USP20: variants seen among roughly 807,000 people sequenced by gnomAD.
USP20 encodes ubiquitin carboxyl-terminal hydrolase 20.
In USP20, 80 loss-of-function variants were observed where a neutral mutation model predicts 124.2. The observed-to-expected ratio is 0.64, with a 90% CI of 0.54 to 0.78. The LOEUF is 0.78. Among genes scored for constraint, USP20 ranks in the 30% least tolerant of loss-of-function variants. The pLI, the probability that USP20 is intolerant of heterozygous loss-of-function variation, is 0.00. For synonymous variants in USP20, 481 were observed against 512.3 expected (o/e 0.94, Z 0.83); for missense variants, 1,043 against 1,244.4 (o/e 0.84, Z 2.44).
intron 13 of USP20, 34 bp downstream of exon 13, chr9:129,869,459 G>C (rs1415228062): frequency 1.2e-6 from 2 of 1,600,716 alleles, no homozygotes; most frequent in African/African-American, 2.7e-5. Flanking sequence ...AGCTGGGCCA[G>C]GCTGCCAGTG....
rs1236378243 is a variant in USP20 at position 129,880,494 on chromosome 9, G to A, written c.*44G>A. ...CCATGTGCCCCACCCCGCGGAAGGC[G>A]TGTTTGTGCCCAGAAGAGAGGCCGG... On this transcript the variant is annotated 3_prime_UTR_variant, in exon 26 of 26. Transcript: ENST00000372429. The A allele has an allele frequency of 1.5e-5, 9 of 618,296 alleles. No homozygotes were observed. The highest frequency in any genetic ancestry group is 3.7e-5 in the African/African-American group (2 of 54,340). 38.3% of individuals were successfully genotyped at this position (618,296 alleles called of 1,614,324 possible).
Position 129,858,613 on chromosome 9 carries a change from G to A in USP20, c.330+15G>A. 1 of 1,611,680 alleles carries A rather than the reference G, an allele frequency of 6.2e-7. No homozygotes were observed. The highest frequency in any genetic ancestry group is 1.1e-5 in the South Asian group (1 of 91,006). ...TCTCTGAACAGGTAACCTGTGTGGTGGGCTCTGTTTGGTTGTTGGTGACAC... is the reference window on the plus strand; with the variant it reads ...TCTCTGAACAGGTAACCTGTGTGGTAGGCTCTGTTTGGTTGTTGGTGACAC... On this transcript the variant is annotated intron_variant, in intron 6 of 25. Coordinates refer to ENST00000372429, the MANE Select transcript of USP20 (RefSeq NM_001110303.4).
chr9:129,840,473 C>T (rs1283385849), intron 1 of USP20, among the ~76,000 whole-genome samples: 2 of 152,190 alleles, frequency 1.3e-5, no homozygotes, highest in African/African-American at 4.8e-5. Flanking sequence ...CCGCTCCCTG[C>T]TCCCACCTCA....
intron 10 of USP20, among the ~76,000 whole-genome samples, chr9:129,866,574 G>A (rs2033829235): frequency 6.6e-6 from 1 of 152,276 alleles, no homozygotes; most frequent in Non-Finnish European, 1.5e-5. Context: ...GCGCCCTGCC[G>A]GCTTTCAGCT....
chr9:129,863,355 A>G, intron 9 of USP20, 56 bp downstream of exon 9: 1 of 1,385,386 alleles, frequency 7.2e-7, no homozygotes, highest in Non-Finnish European at 9.9e-7. Flanking sequence ...GTTTCCTGTC[A>G]GCACCCATGA....
intron 15 of USP20, among the ~76,000 whole-genome samples, chr9:129,873,080 C>CTTGTTTTT (rs1463874554): frequency 1.3e-5 from 1 of 78,366 alleles, no homozygotes; most frequent in Non-Finnish European, 2.3e-5. Context: ...TTTTCTTCTT[C>CTTGTTTTT]TTTTTTTTTT....
chr9:129,837,014 C>T (rs2031892640), intron 1 of USP20, among the ~76,000 whole-genome samples: 1 of 152,220 alleles, frequency 6.6e-6, no homozygotes, highest in African/African-American at 2.4e-5. Flanking sequence ...CCCTCCTCCT[C>T]AGCTGAAGTC....
intron 1 of USP20, among the ~76,000 whole-genome samples, chr9:129,841,583 T>C (rs1292792226): frequency 2.0e-5 from 3 of 152,222 alleles, no homozygotes; most frequent in Admixed American, 6.5e-5. Flanking sequence ...AGCTTTGTTA[T>C]GTCTCCTCAG....
chr9:129,852,415 G>A, intron 2 of USP20, 125 bp from the exon 3 acceptor site: 1 of 734,894 alleles, frequency 1.4e-6, no homozygotes, highest in South Asian at 1.8e-5. Context: ...CAACTTCCCT[G>A]CGTTACCAGC....
chr9:129,847,543 C>A (rs577757657), intron 1 of USP20, among the ~76,000 whole-genome samples: 5 of 151,992 alleles, frequency 3.3e-5, no homozygotes, highest in Admixed American at 3.3e-4. Flanking sequence ...TCTCATGATC[C>A]GCCCGCCTCA....
At chr9:129,877,273 C>G (rs1320791175) in intron 22 of USP20, among the ~76,000 whole-genome samples, 1 of 152,206 alleles carries the variant, frequency 6.6e-6, no homozygotes, top group African/African-American at 2.4e-5. Flanking sequence ...GATCCCAGCA[C>G]TTTGGGAGGC....
At chr9:129,858,159 G>A in intron 5 of USP20, 47 bp downstream of exon 5, 1 of 1,597,290 alleles carries the variant, frequency 6.3e-7, no homozygotes, top group Non-Finnish European at 8.6e-7. Context: ...AGATGGCCTG[G>A]GGTTCAAACC....
intron 2 of USP20, among the ~76,000 whole-genome samples, chr9:129,850,811 T>C (rs79730015): frequency 2.6e-5 from 4 of 152,024 alleles, no homozygotes; most frequent in African/African-American, 9.7e-5. Flanking sequence ...TTGTGCATCA[T>C]GCCCGGCTAA....
intron 10 of USP20, 51 bp downstream of exon 10, chr9:129,865,432 C>T (rs778719977): frequency 1.9e-5 from 31 of 1,603,714 alleles, no homozygotes; most frequent in Non-Finnish European, 2.6e-5. Flanking sequence ...ACCCACCAGG[C>T]CTGACTTTGA....
At chr9:129,863,408 T>A in intron 9 of USP20, 109 bp downstream of exon 9, 1 of 840,210 alleles carries the variant, frequency 1.2e-6, no homozygotes, top group Non-Finnish European at 1.8e-6. Flanking sequence ...AGGACTTGCC[T>A]CACTTTGTCC....
chr9:129,853,448 C>T (rs909139008), intron 3 of USP20, among the ~76,000 whole-genome samples: 2 of 152,122 alleles, frequency 1.3e-5, no homozygotes, highest in Non-Finnish European at 2.9e-5. Flanking sequence ...AGCCTCTTGC[C>T]GATACACATG....
Position 129,858,132 on chromosome 9 carries a change from G to A in USP20, c.198+20G>A, listed in dbSNP as rs754462639. ...GCACAGGTGAGTGTGGTGGCTGAGA[G>A]TATGGGCCCTGCAGTTAGATGGCCT... On this transcript the variant is annotated intron_variant, in intron 5 of 25. Coordinates refer to ENST00000372429, the MANE Select transcript of USP20 (RefSeq NM_001110303.4). 7 of 1,612,932 alleles carry A rather than the reference G, an allele frequency of 4.3e-6. No individual in the cohort carries two copies. Among genetic ancestry groups the A allele is most frequent in the Middle Eastern group, 1.7e-4 (1 of 6,060 alleles).
At position 129,839,319 on chromosome 9, in the gene USP20, A is replaced by G. The variant is rs561662131; in HGVS notation, c.-129+3820A>G. Among the ~76,000 whole-genome samples, 1 of 152,240 alleles carries G rather than the reference A, an allele frequency of 6.6e-6. No individual in the cohort carries two copies. Among genetic ancestry groups the G allele is most frequent in the East Asian group, 1.9e-4 (1 of 5,170 alleles). ...GGTCACATGTGAGAACACCAGACTAAGATGTTAGTGTCAGTTCCAATATTC... is the reference window on the plus strand; with the variant it reads ...GGTCACATGTGAGAACACCAGACTAGGATGTTAGTGTCAGTTCCAATATTC... On this transcript the variant is annotated intron_variant, in intron 1 of 25. Transcript: ENST00000372429. The surrounding 1 kb of genome is among the most constrained non-coding windows in gnomAD (Gnocchi z 4.5).
intron 19 of USP20, 134 bp from the exon 20 acceptor site, chr9:129,875,176 G>C: frequency 8.0e-7 from 1 of 1,251,478 alleles, no homozygotes; most frequent in Non-Finnish European, 1.1e-6. Flanking sequence ...CTGCTCACAT[G>C]TCCAGGACCC....
Sources: allele counts gnomAD v4.1 joint callset (sites outside exome capture counted in the v4.1 genomes callset), GRCh38; gene constraint gnomAD v4.1.1; non-coding constraint Gnocchi (gnomAD v3.1); transcripts MANE v1.5; gene names NCBI Gene and HGNC (gene_info 2026-07-23, HGNC 2026-07-21).